The following PBRM1 variants were observed in gnomAD, a reference collection of about 807,000 sequenced individuals.
PBRM1 encodes the protein protein polybromo-1.
Under a neutral mutation model 194.5 loss-of-function variants are expected in PBRM1, and 27 were observed. The observed-to-expected ratio is 0.14, with a 90% CI of 0.10 to 0.19. The LOEUF is 0.19. Among genes scored for constraint, PBRM1 ranks in the 10% least tolerant of loss-of-function variants. PBRM1 has a pLI of 1.00. For missense variants in PBRM1, 1,466 were observed against 2,077.2 expected (o/e 0.71, Z 5.72); for synonymous variants, 655 against 693.2 (o/e 0.94, Z 0.87).
chr3:52,555,783 A>G (rs2082100246), intron 26 of PBRM1, among the ~76,000 whole-genome samples: 1 of 152,236 alleles, frequency 6.6e-6, no homozygotes. Context: ...ACACATGACA[A>G]AATATTTTCT....
chr3:52,639,778 G>C (rs1053289712), intron 10 of PBRM1, among the ~76,000 whole-genome samples: 1 of 150,062 alleles, frequency 6.7e-6, no homozygotes, highest in Non-Finnish European at 1.5e-5. Flanking sequence ...TCTATGTCGA[G>C]CAGGCTGGTC....
intron 27 of PBRM1, among the ~76,000 whole-genome samples, chr3:52,553,528 G>A (rs966815466): frequency 8.4e-5 from 12 of 142,694 alleles, no homozygotes; most frequent in African/African-American, 2.1e-4. Context: ...TCATTCTGTC[G>A]CTCAGGCTGG....
chr3:52,574,094 G>A (rs989070525), intron 22 of PBRM1, among the ~76,000 whole-genome samples: 1 of 152,194 alleles, frequency 6.6e-6, no homozygotes, highest in African/African-American at 2.4e-5. Context: ...TGTTTGTGCT[G>A]CTATAACAGA....
At chr3:52,626,110 CAGG>C (rs1166947348) in intron 13 of PBRM1, among the ~76,000 whole-genome samples, 1 of 152,180 alleles carries the variant, frequency 6.6e-6, no homozygotes, top group Non-Finnish European at 1.5e-5. Flanking sequence ...CTGGAAAACA[CAGG>C]TGATGCTGCA....
chr3:52,620,648 T>C (rs767572504), intron 13 of PBRM1, among the ~76,000 whole-genome samples: 2 of 152,234 alleles, frequency 1.3e-5, no homozygotes, highest in Admixed American at 6.5e-5. Context: ...ATTCTTCCAA[T>C]GCCAGTAATT....
intron 16 of PBRM1, among the ~76,000 whole-genome samples, chr3:52,605,905 G>A (rs2094323212): frequency 6.7e-6 from 1 of 149,564 alleles, no homozygotes; most frequent in African/African-American, 2.5e-5. Context: ...GTCCGGCCTT[G>A]GAAAGGTTTT....
At chr3:52,573,119 A>G (rs2088009714) in intron 22 of PBRM1, among the ~76,000 whole-genome samples, 1 of 152,176 alleles carries the variant, frequency 6.6e-6, no homozygotes, top group Admixed American at 6.5e-5. Flanking sequence ...TAGACTAACT[A>G]AAGAAGAATT....
At chr3:52,669,550 A>G (rs1257138102) in intron 2 of PBRM1, among the ~76,000 whole-genome samples, 1 of 152,148 alleles carries the variant, frequency 6.6e-6, no homozygotes, top group Non-Finnish European at 1.5e-5. Context: ...ATTCTCCCAC[A>G]GGGGTAGGTA....
chr3:52,587,570 C>CTT (rs36056285), intron 18 of PBRM1, 60 bp from the exon 21 acceptor site: 8,401 of 719,628 alleles, frequency 0.012, 1 homozygote, highest in South Asian at 0.015. Flanking sequence ...ACAGAAATCA[C>CTT]TTTTTTTTTT....
chr3:52,646,149 T>C (rs1269917269), intron 7 of PBRM1, among the ~76,000 whole-genome samples: 1 of 152,234 alleles, frequency 6.6e-6, no homozygotes, highest in Non-Finnish European at 1.5e-5. Flanking sequence ...TATTAGGGAC[T>C]AGGAATACAA....
intron 10 of PBRM1, among the ~76,000 whole-genome samples, chr3:52,635,469 G>A (rs1479884643): frequency 1.3e-5 from 2 of 151,994 alleles, no homozygotes; most frequent in Non-Finnish European, 2.9e-5. Flanking sequence ...AGGAGGCTGA[G>A]GCAGAAGAAT....
chr3:52,586,103 T>G lies in PBRM1; in HGVS notation c.3387+322A>C, dbSNP rs1055239962. On this transcript the variant is annotated intron_variant, in intron 20 of 29. Coordinates refer to ENST00000296302, the Ensembl canonical transcript of PBRM1. Reference sequence around the variant, plus strand: ...GGCACGCGCCACCACACCCAGCTAATTTTTGTATTTTTAGTAGAGATGAGG... The same window carrying G: ...GGCACGCGCCACCACACCCAGCTAAGTTTTGTATTTTTAGTAGAGATGAGG... The G allele has an allele frequency of 1.7e-5, 3 of 179,818 alleles. No homozygotes were observed. The South Asian group carries it at 3.7e-4, about 22-fold the overall frequency. The allele number at this position is 179,818 out of a possible 1,614,324, so 11.1% of individuals were successfully genotyped here.
intron 7 of PBRM1, among the ~76,000 whole-genome samples, 157 bp downstream of exon 8, chr3:52,648,187 G>A (rs1440079404): frequency 2.6e-5 from 4 of 152,166 alleles, no homozygotes; most frequent in Non-Finnish European, 4.4e-5. Flanking sequence ...GATTACAGGC[G>A]TGAGCCACTG....
chr3:52,651,840 T>A (rs2096500961), intron 5 of PBRM1, 30 bp from the exon 7 acceptor site: 1 of 1,377,250 alleles, frequency 7.3e-7, no homozygotes, highest in Admixed American at 1.9e-5. Context: ...GCATGCTCAA[T>A]AAGTTAAACT....
chr3:52,546,583 G>A (rs1664409613), downstream of PBRM1: 2 of 230,160 alleles, frequency 8.7e-6, no homozygotes, highest in South Asian at 3.6e-4. Flanking sequence ...CAGATTAAAA[G>A]GAAAAAAGCA....
chr3:52,606,003 T>G (rs895167261), intron 16 of PBRM1, among the ~76,000 whole-genome samples: 1 of 150,870 alleles, frequency 6.6e-6, no homozygotes, highest in African/African-American at 2.4e-5. Flanking sequence ...CCTGAAACAC[T>G]TTTTTTTTCT....
chr3:52,599,018 CAAAA>C (rs59170143), intron 17 of PBRM1, among the ~76,000 whole-genome samples: 3,553 of 114,308 alleles, frequency 0.031, 148 homozygotes, highest in African/African-American at 0.12. Context: ...CCAGATATCT[CAAAA>C]AAAAAAAAAA....
intron 17 of PBRM1, among the ~76,000 whole-genome samples, chr3:52,593,909 T>G (rs533559995): frequency 5.9e-5 from 9 of 152,328 alleles, no homozygotes; most frequent in Admixed American, 3.3e-4. Context: ...CTGTTGATCT[T>G]TGGGTGGAGA....
chr3:52,628,909 C>T (rs1250305351), exon 12 of PBRM1: 1 of 1,613,790 alleles, frequency 6.2e-7, no homozygotes, highest in South Asian at 1.1e-5. Context: ...TAACTTGCTG[C>T]AATTTTAGAA....
Sources: gnomAD v4.1 joint callset for allele counts (sites outside exome capture counted in the v4.1 genomes callset) on GRCh38, gnomAD v4.1.1 for gene constraint, MANE v1.5 for transcripts, NCBI Gene and HGNC (gene_info 2026-07-23, HGNC 2026-07-21) for gene names.